Variants in TMEM132D observed in about 807,000 individuals in gnomAD.
The protein encoded by TMEM132D is mature OL transmembrane protein.
Under a neutral mutation model 62.3 loss-of-function variants are expected in TMEM132D, and 21 were observed. That is an observed-to-expected ratio of 0.34 (90% CI 0.24 to 0.49). The LOEUF is 0.49. Ranked by LOEUF, TMEM132D falls within the 20% of genes least tolerant of loss-of-function variation. TMEM132D has a pLI of 0.99. For missense variants in TMEM132D, 1,346 were observed against 1,402.8 expected, an observed-to-expected ratio of 0.96 and a Z score of 0.65; for synonymous variants, 621 against 575.6, an observed-to-expected ratio of 1.08 and a Z score of -1.13.
intron 2 of TMEM132D, among the ~76,000 whole-genome samples, chr12:129,551,107 G>A (rs1345771042): frequency 6.6e-6 from 1 of 152,212 alleles, no homozygotes; most frequent in Non-Finnish European, 1.5e-5. Context: ...CACATGTTTG[G>A]AGTGGGCCTT....
intron 2 of TMEM132D, among the ~76,000 whole-genome samples, chr12:129,654,869 C>T (rs1015113528): frequency 5.3e-5 from 8 of 152,216 alleles, no homozygotes; most frequent in Non-Finnish European, 7.3e-5. Flanking sequence ...CTTCTAAAAA[C>T]ACAAACAAAC....
intron 1 of TMEM132D, among the ~76,000 whole-genome samples, chr12:129,733,681 G>A (rs1869325797): frequency 6.6e-6 from 1 of 151,408 alleles, no homozygotes; most frequent in Non-Finnish European, 1.5e-5. Flanking sequence ...TTACTAAATG[G>A]AGATGAGGTG....
At chr12:129,226,241 T>C (rs1879477352) in intron 4 of TMEM132D, among the ~76,000 whole-genome samples, 1 of 152,216 alleles carries the variant, frequency 6.6e-6, no homozygotes, top group South Asian at 2.1e-4. Context: ...CATGAGTTCT[T>C]GGCCGCCTTC....
At chr12:129,466,781 C>T (rs191112130) in intron 3 of TMEM132D, among the ~76,000 whole-genome samples, 1 of 152,170 alleles carries the variant, frequency 6.6e-6, no homozygotes, top group Admixed American at 6.5e-5. Context: ...TTTCCTTAGG[C>T]TTGAATGCTC....
chr12:129,488,054 G>A (rs1874644438), intron 3 of TMEM132D, among the ~76,000 whole-genome samples: 1 of 151,830 alleles, frequency 6.6e-6, no homozygotes, highest in African/African-American at 2.4e-5. Flanking sequence ...TGCCTTGTGA[G>A]GACATGGTGT....
chr12:129,239,846 G>A (rs1447728745), intron 4 of TMEM132D, among the ~76,000 whole-genome samples: 1 of 152,202 alleles, frequency 6.6e-6, no homozygotes, highest in African/African-American at 2.4e-5. Context: ...AATGCTTCAA[G>A]TGATTCAAGT....
chr12:129,081,116 G>A (rs929881042), intron 7 of TMEM132D, among the ~76,000 whole-genome samples: 1 of 152,208 alleles, frequency 6.6e-6, no homozygotes, highest in Non-Finnish European at 1.5e-5. Context: ...TGCTGGCCGT[G>A]CCTGTGATTC....
chr12:129,075,949 G>T (rs1874238304), intron 8 of TMEM132D, among the ~76,000 whole-genome samples: 1 of 148,918 alleles, frequency 6.7e-6, no homozygotes, highest in Non-Finnish European at 1.5e-5. Flanking sequence ...CAGAGAACCT[G>T]CTCCGCCCCA....
intron 3 of TMEM132D, among the ~76,000 whole-genome samples, chr12:129,445,857 A>C (rs1054749971): frequency 7.2e-5 from 11 of 152,174 alleles, no homozygotes; most frequent in African/African-American, 2.2e-4. Context: ...TATTGGGATA[A>C]ACCTCTGCAG....
At chr12:129,161,965 T>C (rs1318458006) in intron 5 of TMEM132D, among the ~76,000 whole-genome samples, 2 of 152,198 alleles carry the variant, frequency 1.3e-5, no homozygotes, top group East Asian at 3.9e-4. Context: ...CCTGTGACTC[T>C]TGCTTAGCAC....
chr12:129,127,645 T>C (rs1876254989), intron 5 of TMEM132D, among the ~76,000 whole-genome samples: 1 of 149,226 alleles, frequency 6.7e-6, no homozygotes, highest in Non-Finnish European at 1.5e-5. Flanking sequence ...TTGAATGGAG[T>C]AGGCCACATA....
At chr12:129,486,160 CAGG>C (rs1389134351) in intron 3 of TMEM132D, among the ~76,000 whole-genome samples, 2 of 152,360 alleles carry the variant, frequency 1.3e-5, no homozygotes, top group South Asian at 2.1e-4. Flanking sequence ...TCCTCACTCC[CAGG>C]AGGAGACAGC....
At chr12:129,695,166 A>G (rs776284803) in intron 2 of TMEM132D, among the ~76,000 whole-genome samples, 4 of 152,174 alleles carry the variant, frequency 2.6e-5, no homozygotes, top group Admixed American at 6.5e-5. Flanking sequence ...TTTCCTTTGA[A>G]CAGGAGTTCC....
chr12:129,594,751 G>A (rs1283027747), intron 2 of TMEM132D, among the ~76,000 whole-genome samples: 1 of 152,130 alleles, frequency 6.6e-6, no homozygotes, highest in Non-Finnish European at 1.5e-5. Context: ...CCGGTAGCAG[G>A]AGTGTTGCCT....
At chr12:129,314,708 G>T (rs1868427518) in intron 4 of TMEM132D, among the ~76,000 whole-genome samples, 1 of 152,130 alleles carries the variant, frequency 6.6e-6, no homozygotes, top group Non-Finnish European at 1.5e-5. Flanking sequence ...GATTGCTTTT[G>T]GCAGTGTGGT....
intron 3 of TMEM132D, among the ~76,000 whole-genome samples, chr12:129,470,673 G>A (rs953987618): frequency 1.3e-5 from 2 of 152,206 alleles, no homozygotes; most frequent in African/African-American, 4.8e-5. Flanking sequence ...CATGTCTCAT[G>A]ACAACATGAA....
chr12:129,172,571 T>C (rs1239345756), intron 5 of TMEM132D, among the ~76,000 whole-genome samples: 2 of 152,216 alleles, frequency 1.3e-5, no homozygotes, highest in African/African-American at 2.4e-5. Context: ...ACTGTATTAA[T>C]TGGCCTCATT....
intron 3 of TMEM132D, among the ~76,000 whole-genome samples, chr12:129,520,065 G>A (rs1212013192): frequency 6.6e-6 from 1 of 152,166 alleles, no homozygotes; most frequent in Non-Finnish European, 1.5e-5. Flanking sequence ...TACTGTTTTT[G>A]TTAGTGTGGG....
chr12:129,835,394 G>T lies in TMEM132D; in HGVS notation c.79+67867C>A, dbSNP rs554722398. On this transcript the variant is annotated intron_variant, in intron 1 of 8. Coordinates refer to ENST00000422113, the MANE Select transcript of TMEM132D (RefSeq NM_133448.3). ...AAGCTTCGACCTCCTAGGTTCAAGC[G>T]ATCCTCCTGCCTCAGCCCCTCAAGT... 2.6e-5 allele frequency among the ~76,000 whole-genome samples: 4 copies of T among 152,146 alleles called. No homozygotes were observed. In the South Asian group the frequency reaches 8.3e-4, roughly 32 times the overall value.
Sources: allele counts gnomAD v4.1 joint callset (sites outside exome capture counted in the v4.1 genomes callset), GRCh38; gene constraint gnomAD v4.1.1; transcripts MANE v1.5; gene names NCBI Gene and HGNC (gene_info 2026-07-23, HGNC 2026-07-21).